The following EPB41L5 variants were observed in gnomAD, a reference collection of about 807,000 sequenced individuals.
EPB41L5 encodes the protein band 4.1-like protein 5.
Under a neutral mutation model 106.6 loss-of-function variants are expected in EPB41L5, and 55 were observed. That is an observed-to-expected ratio of 0.52 (90% CI 0.42 to 0.65). The LOEUF is 0.65. Ranked by LOEUF, EPB41L5 falls within the 30% of genes least tolerant of loss-of-function variation. The pLI is 0.00. For synonymous variants in EPB41L5, 297 were observed against 306.7 expected (o/e 0.97, Z 0.33); for missense variants, 871 against 882.1 (o/e 0.99, Z 0.16).
At chr2:120,093,416 A>T in intron 14 of EPB41L5, 140 bp downstream of exon 14, 1 of 734,352 alleles carries the variant, frequency 1.4e-6, no homozygotes, top group Non-Finnish European at 2.4e-6. Flanking sequence ...ATAAATGAAC[A>T]TGTAATGCCA....
intron 16 of EPB41L5, among the ~76,000 whole-genome samples, chr2:120,124,221 AT>A (rs1167633990): frequency 1.3e-5 from 2 of 152,112 alleles, no homozygotes; most frequent in African/African-American, 4.8e-5. Context: ...CACTCCCCTC[AT>A]TTCTGGCTCA....
Position 120,117,892 on chromosome 2 carries a change from T to C in EPB41L5, c.1338-9796T>C, listed in dbSNP as rs186304045. The stretch of plus-strand genomic sequence containing the variant: ...AACAAGGCTGTTGGCCTTTTTCTTC[T>C]CTACTTTTAAGAAGCTTTTTTGTGG... On this transcript the variant is annotated intron_variant, in intron 16 of 24. Transcript: ENST00000263713. Among the ~76,000 whole-genome samples the C allele has an allele frequency of 7.2e-4, 110 of 152,326 alleles. 1 individual carries two copies. The highest frequency in any genetic ancestry group is 4.8e-3 in the East Asian group (25 of 5,190).
Position 120,149,871 on chromosome 2 carries a change from C to G in EPB41L5, c.1793+3582C>G, listed in dbSNP as rs567905918. 2.5e-4 allele frequency among the ~76,000 whole-genome samples: 37 copies of G among 150,042 alleles called. 1 individual carries two copies. The South Asian group carries it at 7.4e-3, about 30-fold the overall frequency. Reference sequence around the variant, plus strand: ...GAGTGAGGGTTTTTATTTCTTTACACTCTCATGGTATTTCACTGTACTTTT... The same window carrying G: ...GAGTGAGGGTTTTTATTTCTTTACAGTCTCATGGTATTTCACTGTACTTTT... On this transcript the variant is annotated intron_variant, in intron 20 of 24. Transcript: ENST00000263713.
At chr2:120,075,557 C>T (rs771889889) in intron 6 of EPB41L5, 37 bp downstream of exon 6, 15 of 1,479,484 alleles carry the variant, frequency 1.0e-5, no homozygotes, top group African/African-American at 5.6e-5. Context: ...TGCACATTTT[C>T]GTGAGTGGTT....
chr2:120,077,127 C>T (rs772056875), intron 8 of EPB41L5, 36 bp downstream of exon 8: 2 of 1,600,600 alleles, frequency 1.2e-6, no homozygotes, highest in Non-Finnish European at 1.7e-6. Flanking sequence ...TTTAAAATCA[C>T]CACAACAGTT....
intron 14 of EPB41L5, among the ~76,000 whole-genome samples, chr2:120,095,353 C>T (rs1683676368): frequency 6.6e-6 from 1 of 152,128 alleles, no homozygotes; most frequent in African/African-American, 2.4e-5. Flanking sequence ...ATAACCTTTT[C>T]ATCAAGTCTG....
At chr2:120,050,154 T>C (rs575381481) in intron 3 of EPB41L5, among the ~76,000 whole-genome samples, 1 of 152,310 alleles carries the variant, frequency 6.6e-6, no homozygotes, top group South Asian at 2.1e-4. Flanking sequence ...GGAGTTGCTC[T>C]TCTCGAGGAG....
chr2:120,100,143 A>T (rs1166829243), intron 14 of EPB41L5, 101 bp from the exon 15 acceptor site: 19 of 829,468 alleles, frequency 2.3e-5, no homozygotes, highest in Non-Finnish European at 2.4e-5. Context: ...AAACGTTAAT[A>T]TCTTTAAAAT....
chr2:120,080,282 G>A (rs1335660863), intron 10 of EPB41L5, among the ~76,000 whole-genome samples: 2 of 148,404 alleles, frequency 1.3e-5, no homozygotes, highest in African/African-American at 4.9e-5. Context: ...GACAGGCCCC[G>A]GTGTGTGATG....
intron 16 of EPB41L5, chr2:120,105,581 T>C: frequency 1.0e-6 from 1 of 985,356 alleles, no homozygotes; most frequent in African/African-American, 1.7e-5. Flanking sequence ...ATGAAATTTG[T>C]AGGCAGGTTT....
chr2:120,092,781 A>T (rs1490871520), intron 13 of EPB41L5, among the ~76,000 whole-genome samples: 1 of 152,210 alleles, frequency 6.6e-6, no homozygotes, highest in Non-Finnish European at 1.5e-5. Flanking sequence ...TCCACTGATG[A>T]TAATTCATAA....
At chr2:120,065,671 C>A (rs1681398740) in intron 3 of EPB41L5, among the ~76,000 whole-genome samples, 1 of 151,920 alleles carries the variant, frequency 6.6e-6, no homozygotes, top group African/African-American at 2.4e-5. Context: ...CGCCTGCCAC[C>A]ACGCCCAGCT....
intron 20 of EPB41L5, among the ~76,000 whole-genome samples, chr2:120,150,876 T>C (rs1330399350): frequency 6.6e-6 from 1 of 152,234 alleles, no homozygotes; most frequent in African/African-American, 2.4e-5. Context: ...TTTGACGAAG[T>C]CTAATTTATC....
intron 3 of EPB41L5, among the ~76,000 whole-genome samples, chr2:120,068,597 C>T (rs752246612): frequency 3.3e-5 from 5 of 152,164 alleles, no homozygotes; most frequent in African/African-American, 7.2e-5. Context: ...CCAGGAAGTT[C>T]GGACTGGGCA....
At position 120,177,295 on chromosome 2, in the gene EPB41L5, G is replaced by C. The variant is rs560186952; in HGVS notation, c.*2388G>C. The stretch of plus-strand genomic sequence containing the variant: ...GATGGGTTCAAAGAGAAAGGTTGGA[G>C]ATGATAGTGGGTGAGAAGCAGGCTG... On this transcript the variant is annotated 3_prime_UTR_variant, in exon 25 of 25. Coordinates refer to ENST00000263713, the MANE Select transcript of EPB41L5 (RefSeq NM_020909.4). The C allele has an allele frequency of 2.6e-5, 4 of 152,880 alleles. No individual in the cohort carries two copies. Among genetic ancestry groups the C allele is most frequent in the African/African-American group, 9.6e-5 (4 of 41,512 alleles). 9.5% of individuals were successfully genotyped at this position (152,880 alleles called of 1,614,324 possible). A position where few individuals can be genotyped will look rare whatever the true frequency, so the allele number is the denominator to read the frequency against.
At chr2:120,092,080 G>A (rs1683457147) in intron 13 of EPB41L5, among the ~76,000 whole-genome samples, 1 of 151,636 alleles carries the variant, frequency 6.6e-6, no homozygotes, top group South Asian at 2.1e-4. Flanking sequence ...TCAGGTTGGA[G>A]TGCAGTGGCA....
chr2:120,147,155 C>T (rs1686439086), intron 20 of EPB41L5, among the ~76,000 whole-genome samples: 1 of 152,060 alleles, frequency 6.6e-6, no homozygotes, highest in African/African-American at 2.4e-5. Context: ...TGAGACTAGC[C>T]TGGGCAAGAT....
intron 14 of EPB41L5, among the ~76,000 whole-genome samples, chr2:120,094,993 G>A (rs554314096): frequency 6.6e-6 from 1 of 152,144 alleles, no homozygotes; most frequent in African/African-American, 2.4e-5. Context: ...TAGTTTATGT[G>A]TACTTAAGAA....
At position 120,075,530 on chromosome 2, in the gene EPB41L5, A is replaced by T; in HGVS notation, c.452+10A>T. The T allele has an allele frequency of 6.5e-7, 1 of 1,534,846 alleles. No homozygotes were observed. Among genetic ancestry groups the T allele is most frequent in the South Asian group, 1.1e-5 (1 of 87,956 alleles). ...ATATTCTCAGTGGAAAGTGAGTATT[A>T]GTTATTTAAGGATAAATGCACATTT... On this transcript the variant is annotated intron_variant, in intron 6 of 24. Coordinates refer to ENST00000263713, the MANE Select transcript of EPB41L5 (RefSeq NM_020909.4).
Sources: gnomAD v4.1 joint callset for allele counts (sites outside exome capture counted in the v4.1 genomes callset) on GRCh38, gnomAD v4.1.1 for gene constraint, MANE v1.5 for transcripts, NCBI Gene and HGNC (gene_info 2026-07-23, HGNC 2026-07-21) for gene names.